Variants in HPR observed in about 807,000 individuals in gnomAD.
The protein encoded by HPR is haptoglobin-related protein, also known as Haptoglobin-related locus.
A neutral mutation model predicts 18.5 loss-of-function variants in HPR; 17 were observed. The ratio of observed to expected loss-of-function variants is 0.92; its 90% CI spans 0.63 to 1.38. The LOEUF (loss-of-function observed/expected upper bound fraction) is 1.38. Ranked by LOEUF, HPR falls within the 40% of genes most tolerant of loss-of-function variation. The pLI, the probability that HPR is intolerant of heterozygous loss-of-function variation, is 0.00. For missense variants in HPR, 457 were observed against 432.4 expected, an observed-to-expected ratio of 1.06 and a Z score of -0.51; for synonymous variants, 176 against 165.0, an observed-to-expected ratio of 1.07 and a Z score of -0.51.
chr16:72,075,446 C>T (rs1017440584), intron 4 of HPR, among the ~76,000 whole-genome samples: 2 of 152,240 alleles, frequency 1.3e-5, no homozygotes, highest in Non-Finnish European at 2.9e-5. Flanking sequence ...GCTGAATCCA[C>T]TGTCGGCATT....
At chr16:72,063,671 T>G (rs1467089816) in intron 1 of HPR, among the ~76,000 whole-genome samples, 2 of 152,212 alleles carry the variant, frequency 1.3e-5, no homozygotes, top group Non-Finnish European at 2.9e-5. Flanking sequence ...CACTAGTACC[T>G]GGGATACATC....
chr16:72,072,796 T>C (rs1384015449), intron 1 of HPR, among the ~76,000 whole-genome samples: 1 of 152,228 alleles, frequency 6.6e-6, no homozygotes, highest in African/African-American at 2.4e-5. Context: ...CCAAGTAGAA[T>C]AACAGAGCCA....
chr16:72,076,577 C>T lies in HPR; in HGVS notation c.543C>T (p.His181=). Residue 181 remains histidine, a synonymous_variant, in exon 5 of 5, where the codon CAC becomes CAT. Coordinates refer to ENST00000540303, the MANE Select transcript of HPR (RefSeq NM_020995.4). The part of the protein sequence containing the change: ...QLVEIEKVVL[H]PNYHQVDIGL... ...TAGAGATTGAGAAGGTGGTTCTACA[C>T]CCTAACTACCACCAGGTAGATATTG... is the stretch of plus-strand genomic sequence containing the variant. The T allele has an allele frequency of 6.2e-7, 1 of 1,614,206 alleles. No homozygotes were observed.
intron 1 of HPR, among the ~76,000 whole-genome samples, chr16:72,063,887 C>T (rs145116658): frequency 0.031 from 4,718 of 152,096 alleles, 125 homozygotes; most frequent in Middle Eastern, 0.051. Flanking sequence ...GGACTACAGG[C>T]GTGTGCCACC....
At chr16:72,070,815 C>A (rs1322194248) in intron 1 of HPR, among the ~76,000 whole-genome samples, 1 of 152,054 alleles carries the variant, frequency 6.6e-6, no homozygotes, top group Non-Finnish European at 1.5e-5. Context: ...AAGTATAGAA[C>A]CTTAAAAAGT....
intron 1 of HPR, chr16:72,073,656 G>A: frequency 7.2e-7 from 1 of 1,379,614 alleles, no homozygotes; most frequent in South Asian, 1.4e-5. Context: ...TGGAAGCTTG[G>A]TATGCTCAGA....
chr16:72,074,185 G>C, intron 2 of HPR, 99 bp from the exon 3 acceptor site: 5 of 1,273,846 alleles, frequency 3.9e-6, no homozygotes, highest in Non-Finnish European at 5.7e-6. Flanking sequence ...GGGGTAGAAG[G>C]AGATTGATGT....
At chr16:72,076,124 A>AT (rs2041719631) in intron 4 of HPR, among the ~76,000 whole-genome samples, 179 bp from the exon 5 acceptor site, 2 of 152,224 alleles carry the variant, frequency 1.3e-5, no homozygotes, top group South Asian at 2.1e-4. Context: ...AATGTAAACA[A>AT]TTAAAAAAAT....
At chr16:72,071,177 G>A (rs1279652638) in intron 1 of HPR, among the ~76,000 whole-genome samples, 1 of 152,048 alleles carries the variant, frequency 6.6e-6, no homozygotes, top group African/African-American at 2.4e-5. Flanking sequence ...CAAGTATAGC[G>A]AGCTCAGCGT....
At chr16:72,066,638 T>C (rs900890005) in intron 1 of HPR, among the ~76,000 whole-genome samples, 2 of 152,148 alleles carry the variant, frequency 1.3e-5, no homozygotes, top group Middle Eastern at 3.4e-3. Context: ...AAGGAGCAAA[T>C]GAAGCAATAT....
chr16:72,073,692 G>A lies in HPR; in HGVS notation c.6-200G>A, dbSNP rs117637662. On this transcript the variant is annotated intron_variant, in intron 1 of 4. Transcript: ENST00000540303. ...AGCAGCTAAAGCGTGTATGTGGGGC[G>A]GAGGGTGGGGGCAACTTCTTGGTCC... 2.7e-4 allele frequency: 398 copies of A among 1,476,004 alleles called. 5 individuals are homozygous for A. The East Asian group carries it at 8.4e-3, about 31-fold the overall frequency. The allele number at this position is 1,476,004 out of a possible 1,614,324, so 91.4% of individuals were successfully genotyped here. A position where few individuals can be genotyped will look rare whatever the true frequency, so the allele number is the denominator to read the frequency against.
At chr16:72,065,063 A>G (rs7188962) in intron 1 of HPR, among the ~76,000 whole-genome samples, 84,674 of 151,744 alleles carry the variant, frequency 0.56, 24,111 homozygotes, top group South Asian at 0.65. Context: ...CTGAAAGTTC[A>G]TGAATGGTAA....
chr16:72,065,163 G>A (rs1338775463), intron 1 of HPR, among the ~76,000 whole-genome samples: 1 of 152,152 alleles, frequency 6.6e-6, no homozygotes, highest in Admixed American at 6.5e-5. Flanking sequence ...GGATCCTGAT[G>A]TTGGGGTTTA....
chr16:72,070,791 A>C (rs2041646605), intron 1 of HPR, among the ~76,000 whole-genome samples: 2 of 152,182 alleles, frequency 1.3e-5, no homozygotes, highest in Admixed American at 1.3e-4. Flanking sequence ...TACCATAAAA[A>C]GTCAACCAAG....
Position 72,077,189 on chromosome 16 carries a change from T to A in HPR, c.*108T>A. On this transcript the variant is annotated 3_prime_UTR_variant, in exon 5 of 5. Coordinates refer to ENST00000540303, the MANE Select transcript of HPR (RefSeq NM_020995.4). Reference sequence around the variant, plus strand: ...GATGCGATAAGATGTGGTTTGAAGCTGATGGGTGCCAGCCCTGCATTGCTG... The same window carrying A: ...GATGCGATAAGATGTGGTTTGAAGCAGATGGGTGCCAGCCCTGCATTGCTG... The A allele has an allele frequency of 8.8e-7, 1 of 1,139,084 alleles. No individual in the cohort carries two copies. The allele number at this position is 1,139,084 out of a possible 1,614,324, so 70.6% of individuals were successfully genotyped here. A position where few individuals can be genotyped will look rare whatever the true frequency, so the allele number is the denominator to read the frequency against.
chr16:72,073,651 G>A, intron 1 of HPR: 1 of 1,363,906 alleles, frequency 7.3e-7, no homozygotes, highest in South Asian at 1.4e-5. Flanking sequence ...CTTGCTGGAA[G>A]CTTGGTATGC....
chr16:72,065,512 C>A (rs982816390), intron 1 of HPR, among the ~76,000 whole-genome samples: 10 of 152,160 alleles, frequency 6.6e-5, no homozygotes, highest in Admixed American at 3.9e-4. Flanking sequence ...CCTTGATAGT[C>A]CCCTAGGTTT....
chr16:72,065,784 T>C (rs2041591580), intron 1 of HPR, among the ~76,000 whole-genome samples: 1 of 152,128 alleles, frequency 6.6e-6, no homozygotes, highest in Non-Finnish European at 1.5e-5. Context: ...TAAAGACAAC[T>C]AGGGAAGAAT....
chr16:72,063,239 A>C lies in HPR; in HGVS notation c.-17A>C, dbSNP rs1157413737. ...ATGCCCCACAGCACTGCTCTTCCAGAGGCAAGACCAACCAAGATGAGGTGG... is the reference window on the plus strand; with the variant it reads ...ATGCCCCACAGCACTGCTCTTCCAGCGGCAAGACCAACCAAGATGAGGTGG... On this transcript the variant is annotated 5_prime_UTR_variant, in exon 1 of 5. Transcript: ENST00000540303. 6.3e-7 allele frequency: 1 copy of C among 1,591,654 alleles called. No individual in the cohort carries two copies. The highest frequency in any genetic ancestry group is 1.3e-5 in the African/African-American group (1 of 74,210).
Sources: allele counts gnomAD v4.1 joint callset (sites outside exome capture counted in the v4.1 genomes callset), GRCh38; gene constraint gnomAD v4.1.1; transcripts MANE v1.5; gene names NCBI Gene and HGNC (gene_info 2026-07-23, HGNC 2026-07-21).